Variants in MTMR14 observed in about 807,000 individuals in gnomAD.
MTMR14 encodes phosphatidylinositol-3,5-bisphosphate 3-phosphatase MTMR14.
MTMR14 carries 48 observed loss-of-function variants against 86.3 expected under a neutral mutation model. The ratio of observed to expected loss-of-function variants is 0.56; its 90% confidence interval spans 0.44 to 0.71. The LOEUF (loss-of-function observed/expected upper bound fraction) is 0.71, where lower values mean the gene tolerates loss of function less well. MTMR14 is among the 30% of genes least tolerant of loss of function. MTMR14 has a pLI of 0.00. For missense variants in MTMR14, 780 were observed against 834.6 expected, an observed-to-expected ratio of 0.93 and a Z score of 0.81; for synonymous variants, 366 against 326.1, an observed-to-expected ratio of 1.12 and a Z score of -1.32.
At chr3:9,684,123 T>C (rs958709568) in intron 10 of MTMR14, among the ~76,000 whole-genome samples, 3 of 152,180 alleles carry the variant, frequency 2.0e-5, no homozygotes, top group Non-Finnish European at 2.9e-5. Flanking sequence ...TCTGGCATGT[T>C]AGGTGCTGCA....
intron 1 of MTMR14, among the ~76,000 whole-genome samples, 165 bp downstream of exon 1, chr3:9,649,907 C>T (rs777133710): frequency 7.2e-5 from 11 of 152,006 alleles, no homozygotes; most frequent in Non-Finnish European, 1.2e-4. Context: ...GTATAAGAGT[C>T]GGTCTTGACA....
Position 9,687,799 on chromosome 3 carries a change from G to A in MTMR14, c.1165-22G>A, listed in dbSNP as rs781648991. The A allele has an allele frequency of 1.7e-5, 27 of 1,559,052 alleles. 1 individual carries two copies. The highest frequency in any genetic ancestry group is 1.4e-4 in the South Asian group (12 of 85,352). ...GCTGCCTTGGTTCTTCTCATTGTGCGCTGCTCTTTGGTCTCCTTTAGATTT... is the reference window on the plus strand; with the variant it reads ...GCTGCCTTGGTTCTTCTCATTGTGCACTGCTCTTTGGTCTCCTTTAGATTT... On this transcript the variant is annotated intron_variant, in intron 13 of 18. Transcript: ENST00000296003.
At chr3:9,667,867 A>G (rs2048340257) in intron 3 of MTMR14, among the ~76,000 whole-genome samples, 1 of 152,056 alleles carries the variant, frequency 6.6e-6, no homozygotes. Flanking sequence ...CCATTTGCAC[A>G]TTGTGTTACC....
intron 9 of MTMR14, among the ~76,000 whole-genome samples, chr3:9,679,686 G>T (rs1308707184): frequency 6.6e-6 from 1 of 152,214 alleles, no homozygotes; most frequent in Non-Finnish European, 1.5e-5. Flanking sequence ...CCTGAAAATG[G>T]TGTTGGCAGT....
chr3:9,692,138 T>C (rs2076156547), intron 17 of MTMR14, among the ~76,000 whole-genome samples: 1 of 152,198 alleles, frequency 6.6e-6, no homozygotes, highest in Admixed American at 6.5e-5. Context: ...AGGTCTTTAA[T>C]GTGGTAGGAG....
intron 10 of MTMR14, 197 bp downstream of exon 10, chr3:9,683,441 C>A: frequency 3.3e-6 from 2 of 602,152 alleles, no homozygotes; most frequent in Non-Finnish European, 6.0e-6. Context: ...CCTCAAAATC[C>A]TAGAAAACAA....
chr3:9,660,280 G>A (rs1020813318), intron 2 of MTMR14, among the ~76,000 whole-genome samples: 3 of 151,640 alleles, frequency 2.0e-5, no homozygotes, highest in Non-Finnish European at 4.4e-5. Flanking sequence ...TTTTCCCCCA[G>A]ACGGAGTCTC....
chr3:9,662,440 G>C lies in MTMR14; in HGVS notation c.417+65G>C, dbSNP rs2047995683. ...TCTGGGGTAGCTGACTTACTGCAAAGTATAGGGTCTTTTTTTCCCTCAACA... is the reference window on the plus strand; with the variant it reads ...TCTGGGGTAGCTGACTTACTGCAAACTATAGGGTCTTTTTTTCCCTCAACA... On this transcript the variant is annotated intron_variant, in intron 3 of 18. Transcript: ENST00000296003. 3 of 1,364,448 alleles carry C rather than the reference G, an allele frequency of 2.2e-6. No individual in the cohort carries two copies. The East Asian group carries it at 6.9e-5, about 31-fold the overall frequency. 84.5% of individuals were successfully genotyped at this position (1,364,448 alleles called of 1,614,324 possible). A position where few individuals can be genotyped will look rare whatever the true frequency, so the allele number is the denominator to read the frequency against.
chr3:9,701,871 G>A lies in MTMR14; in HGVS notation c.1851G>A (p.Gly617=). Reference sequence around the variant, plus strand: ...TGGCTGCGTACAGCAGCACAGTGGGGCTTCGGGCAGTAGCCCCCAGTCCTT... The same window carrying A: ...TGGCTGCGTACAGCAGCACAGTGGGACTTCGGGCAGTAGCCCCCAGTCCTT... The part of the protein sequence containing the change: ...AFLAAYSSTV[G]LRAVAPSPSG... Residue 617 remains glycine (G), a synonymous_variant, in exon 19 of 19, where the codon GGG becomes GGA. Transcript: ENST00000296003. The surrounding 1 kb of genome is among the most constrained non-coding windows in gnomAD (Gnocchi z 4.2). The A allele has an allele frequency of 1.2e-6, 2 of 1,614,040 alleles. No individual in the cohort carries two copies. Among genetic ancestry groups the A allele is most frequent in the South Asian group, 2.2e-5 (2 of 91,088 alleles).
chr3:9,661,383 C>G (rs1198039743), intron 2 of MTMR14, among the ~76,000 whole-genome samples: 1 of 152,170 alleles, frequency 6.6e-6, no homozygotes, highest in Non-Finnish European at 1.5e-5. Flanking sequence ...AGGGTTCGAG[C>G]TCCTATGAGA....
intron 3 of MTMR14, 54 bp from the exon 4 acceptor site, chr3:9,668,665 A>G (rs775554807): frequency 5.7e-6 from 9 of 1,589,286 alleles, no homozygotes; most frequent in Non-Finnish European, 6.9e-6. Flanking sequence ...TGTTCCTTCA[A>G]CTGTGCATGC....
chr3:9,677,479 A>G lies in MTMR14; in HGVS notation c.822+92A>G, dbSNP rs2075621925. ...CAAGCAGTCTTTGGGGAAAACAACA[A>G]GCAGTCTTTGGGGAAAATAACTCCC... On this transcript the variant is annotated intron_variant, in intron 8 of 18. Transcript: ENST00000296003. This position sits in a 1 kb window ranked among gnomAD's most constrained non-coding sequence, Gnocchi z 4.2. 4.3e-6 allele frequency: 5 copies of G among 1,167,062 alleles called. No homozygotes were observed. The highest frequency in any genetic ancestry group is 2.5e-5 in the South Asian group (2 of 81,186). 72.3% of individuals were successfully genotyped at this position (1,167,062 alleles called of 1,614,324 possible). A position where few individuals can be genotyped will look rare whatever the true frequency, so the allele number is the denominator to read the frequency against.
At chr3:9,682,789 C>T (rs1040167539) in intron 9 of MTMR14, among the ~76,000 whole-genome samples, 1 of 152,248 alleles carries the variant, frequency 6.6e-6, no homozygotes, top group South Asian at 2.1e-4. Context: ...GCTACAGCCT[C>T]AGGGCTCTTC....
rs1046768707 is a variant in MTMR14, at chr3:9,649,530, A to G, written c.-54A>G. ...AGGTTCTAGTGTCGGAGTTGGGTGC[A>G]GGCAGGTGCCATGGGCCCGCTTGAG... On this transcript the variant is annotated 5_prime_UTR_variant, in exon 1 of 19. Transcript: ENST00000296003. The G allele has an allele frequency of 6.0e-5, 90 of 1,504,902 alleles. 2 individuals carry two copies. In the African/African-American group the frequency reaches 1.1e-3, roughly 19 times the overall value. The allele number at this position is 1,504,902 out of a possible 1,614,324, so 93.2% of individuals were successfully genotyped here.
At chr3:9,656,696 G>C (rs76417157) in intron 2 of MTMR14, among the ~76,000 whole-genome samples, 4,009 of 152,286 alleles carry the variant, frequency 0.026, 167 homozygotes, top group African/African-American at 0.09. Flanking sequence ...TGGATTACAG[G>C]TGTGAGCCAC....
chr3:9,652,217 G>T (rs558408989), intron 1 of MTMR14, among the ~76,000 whole-genome samples: 1 of 151,668 alleles, frequency 6.6e-6, no homozygotes, highest in Non-Finnish European at 1.5e-5. Context: ...TGCCCTCCTC[G>T]GTGCCTCCCA....
In MTMR14 at chr3:9,684,920, T is replaced by C. The variant is rs1343386667; in HGVS notation, c.1083T>C (p.Thr361=). Reference sequence around the variant, plus strand: ...TCATCCACACGTCCCTGAAGCCCACTGAGATCCTCTACCTCACTGTGGCCT... The same window carrying C: ...TCATCCACACGTCCCTGAAGCCCACCGAGATCCTCTACCTCACTGTGGCCT... The part of the protein sequence containing the change: ...DGLIHTSLKP[T]EILYLTVAYD... The change falls in exon 12 of 19, where the codon ACT becomes ACC. Residue 361 remains threonine (T), a synonymous_variant. Transcript: ENST00000296003. The C allele has an allele frequency of 6.2e-7, 1 of 1,611,512 alleles. No individual in the cohort carries two copies.
chr3:9,687,254 G>T (rs904700808), intron 13 of MTMR14, among the ~76,000 whole-genome samples: 5 of 152,080 alleles, frequency 3.3e-5, no homozygotes, highest in Non-Finnish European at 1.5e-5. Context: ...TTTAATGATG[G>T]TTTGAAAAAT....
At chr3:9,653,369 C>G (rs1050989762) in intron 1 of MTMR14, among the ~76,000 whole-genome samples, 3 of 152,100 alleles carry the variant, frequency 2.0e-5, no homozygotes, top group Non-Finnish European at 4.4e-5. Flanking sequence ...CTGTAATCGT[C>G]TCCCCCAAAT....
Sources: allele counts gnomAD v4.1 joint callset (sites outside exome capture counted in the v4.1 genomes callset), GRCh38; gene constraint gnomAD v4.1.1; non-coding constraint Gnocchi (gnomAD v3.1); transcripts MANE v1.5; gene names NCBI Gene and HGNC (gene_info 2026-07-23, HGNC 2026-07-21).